SLC22A4: variants seen among roughly 807,000 people sequenced by gnomAD.
SLC22A4 encodes the protein ET transporter.
Under a neutral mutation model 56.6 loss-of-function variants are expected in SLC22A4, and 39 were observed. That is an observed-to-expected ratio of 0.69 (90% CI 0.53 to 0.90). SLC22A4 has a LOEUF of 0.90. Among genes scored for constraint, SLC22A4 ranks in the 40% least tolerant of loss-of-function variants. The probability of loss-of-function intolerance (pLI) is 0.00; values close to 1 mark genes in which losing one functional copy is unlikely to be tolerated. For missense variants in SLC22A4, 594 were observed against 696.5 expected, an observed-to-expected ratio of 0.85 and a Z score of 1.66; for synonymous variants, 241 against 281.4, an observed-to-expected ratio of 0.86 and a Z score of 1.44.
intron 3 of SLC22A4, among the ~76,000 whole-genome samples, chr5:132,314,606 T>C (rs1750281662): frequency 6.6e-6 from 1 of 152,192 alleles, no homozygotes; most frequent in Non-Finnish European, 1.5e-5. Context: ...TTTGTCCCTA[T>C]TGTCACAGTG....
intron 3 of SLC22A4, among the ~76,000 whole-genome samples, chr5:132,316,801 A>G (rs1361136628): frequency 6.6e-6 from 1 of 152,098 alleles, no homozygotes; most frequent in Non-Finnish European, 1.5e-5. Context: ...TACCAGCCAC[A>G]TATATATATA....
At chr5:132,303,295 T>TACACAC (rs57867025) in intron 1 of SLC22A4, among the ~76,000 whole-genome samples, 5 of 150,724 alleles carry the variant, frequency 3.3e-5, no homozygotes, top group African/African-American at 1.2e-4. Flanking sequence ...CTGGTGAAAA[T>TACACAC]ACACACACAC....
chr5:132,336,852 T>A (rs893117049), intron 8 of SLC22A4, among the ~76,000 whole-genome samples: 17 of 152,040 alleles, frequency 1.1e-4, no homozygotes, highest in African/African-American at 4.1e-4. Context: ...CACCAAACAG[T>A]TCATGTTGGT....
intron 4 of SLC22A4, among the ~76,000 whole-genome samples, chr5:132,322,911 A>G (rs1750585090): frequency 6.6e-6 from 1 of 152,222 alleles, no homozygotes; most frequent in African/African-American, 2.4e-5. Flanking sequence ...GTTTTAACAC[A>G]ACAGTTATAG....
intron 2 of SLC22A4, among the ~76,000 whole-genome samples, chr5:132,313,214 C>T (rs1288352089): frequency 3.3e-5 from 5 of 152,156 alleles, no homozygotes; most frequent in Admixed American, 2.0e-4. Context: ...GGTTAAAAAC[C>T]ACTTGCAGAG....
chr5:132,328,828 T>TACAC (rs1750760120), intron 5 of SLC22A4, among the ~76,000 whole-genome samples: 1 of 18,478 alleles, frequency 5.4e-5, no homozygotes, highest in Non-Finnish European at 1.4e-4. Flanking sequence ...TGCCTTTATA[T>TACAC]ATATATATAT....
At chr5:132,342,319 A>C (rs1751243925) in intron 9 of SLC22A4, among the ~76,000 whole-genome samples, 1 of 152,248 alleles carries the variant, frequency 6.6e-6, no homozygotes, top group African/African-American at 2.4e-5. Flanking sequence ...CAGACAGTTT[A>C]CAGAAGAAGT....
In SLC22A4 at chr5:132,335,798, A is replaced by T; in HGVS notation, c.1262-20A>T. On this transcript the variant is annotated intron_variant, in intron 7 of 9. Coordinates refer to ENST00000200652, the MANE Select transcript of SLC22A4 (RefSeq NM_003059.3). The stretch of plus-strand genomic sequence containing the variant: ...ATCACTTCTAAAAGCACCATTGTTT[A>T]TACCGGGTCTCTTTTCCAGATTATT... The T allele has an allele frequency of 6.2e-7, 1 of 1,604,036 alleles. No individual in the cohort carries two copies. Among genetic ancestry groups the T allele is most frequent in the Non-Finnish European group, 8.5e-7 (1 of 1,170,876 alleles).
intron 1 of SLC22A4, among the ~76,000 whole-genome samples, chr5:132,302,621 G>T (rs1055552520): frequency 1.3e-5 from 2 of 152,216 alleles, no homozygotes; most frequent in Non-Finnish European, 2.9e-5. Flanking sequence ...TGCAAGACTG[G>T]AGGGCAGGTT....
In SLC22A4 at chr5:132,295,125, G is replaced by T. The variant is rs1433892131; in HGVS notation, c.393+116G>T. The T allele has an allele frequency of 8.6e-6, 10 of 1,166,338 alleles. No individual in the cohort carries two copies. In the Admixed American group the frequency reaches 1.8e-4, roughly 21 times the overall value. 72.2% of individuals were successfully genotyped at this position (1,166,338 alleles called of 1,614,324 possible). On this transcript the variant is annotated intron_variant, in intron 1 of 9. Coordinates refer to ENST00000200652, the MANE Select transcript of SLC22A4 (RefSeq NM_003059.3). ...CAGCGCTCCCCTCCCCCTCAAACCT[G>T]CTGTTCATACTTCCAGCAGCGGGTG...
At chr5:132,314,404 T>A (rs775498739) in intron 3 of SLC22A4, among the ~76,000 whole-genome samples, 19 of 152,160 alleles carry the variant, frequency 1.2e-4, no homozygotes, top group Non-Finnish European at 2.4e-4. Flanking sequence ...CAGCTTTTCC[T>A]GGGAGGGAGT....
intron 8 of SLC22A4, among the ~76,000 whole-genome samples, chr5:132,338,224 G>C (rs189635159): frequency 2.6e-5 from 4 of 152,304 alleles, no homozygotes; most frequent in African/African-American, 9.6e-5. Context: ...CAGGTTCCAT[G>C]ATGCCCCCTG....
intron 4 of SLC22A4, among the ~76,000 whole-genome samples, chr5:132,323,430 C>T (rs1185922118): frequency 6.6e-6 from 1 of 152,212 alleles, no homozygotes; most frequent in Non-Finnish European, 1.5e-5. Context: ...TGGGCTCACT[C>T]TAAGCCCCTG....
intron 1 of SLC22A4, chr5:132,311,747 C>T (rs1472674293): frequency 1.1e-5 from 3 of 267,770 alleles, no homozygotes; most frequent in Non-Finnish European, 2.2e-5. Flanking sequence ...ATGCCCTCTG[C>T]CCTGCCCTTT....
chr5:132,326,100 C>T (rs1056831475), intron 4 of SLC22A4, among the ~76,000 whole-genome samples: 2 of 152,218 alleles, frequency 1.3e-5, no homozygotes, highest in Non-Finnish European at 2.9e-5. Flanking sequence ...GGAGCAGTCA[C>T]GGAGCTGTAA....
intron 3 of SLC22A4, 40 bp from the exon 4 acceptor site, chr5:132,322,144 G>A (rs1167443033): frequency 1.9e-6 from 3 of 1,564,178 alleles, no homozygotes; most frequent in Non-Finnish European, 2.6e-6. Flanking sequence ...AAATATTAAA[G>A]TGAGTTAATA....
chr5:132,333,497 T>A (rs1052371819), intron 6 of SLC22A4, among the ~76,000 whole-genome samples: 9 of 152,122 alleles, frequency 5.9e-5, no homozygotes, highest in Non-Finnish European at 2.9e-5. Context: ...AAACAGGTTG[T>A]ATAGGTGGCC....
At position 132,334,849 on chromosome 5, in the gene SLC22A4, G is replaced by A. The variant is rs772540855; in HGVS notation, c.1178G>A (p.Arg393Gln). ...PAYITAWLLL[R>Q]TLPRRYIIAA... ...TACATTACAGCCTGGCTGCTATTGC[G>A]AACCCTGCCCAGGCGTTATATCATA... is the stretch of plus-strand genomic sequence containing the variant. Residue 393 changes from arginine to glutamine, a missense_variant, in exon 7 of 10, where the codon CGA (arginine) becomes CAA (glutamine). Physicochemically the swap from Arg to Gln is conservative, Grantham distance 43 (BLOSUM62 1). Coordinates refer to ENST00000200652, the MANE Select transcript of SLC22A4 (RefSeq NM_003059.3). 2.1e-5 allele frequency: 34 copies of A among 1,613,666 alleles called. No individual in the cohort carries two copies. In the Middle Eastern group the frequency reaches 9.9e-4, roughly 47 times the overall value.
chr5:132,301,198 T>C (rs1291480619), intron 1 of SLC22A4, among the ~76,000 whole-genome samples: 2 of 152,224 alleles, frequency 1.3e-5, no homozygotes, highest in Non-Finnish European at 2.9e-5. Context: ...CATGTCCTCT[T>C]CTCCCATGGA....
Sources: gnomAD v4.1 joint callset for allele counts (sites outside exome capture counted in the v4.1 genomes callset) on GRCh38, gnomAD v4.1.1 for gene constraint, MANE v1.5 for transcripts, NCBI Gene and HGNC (gene_info 2026-07-23, HGNC 2026-07-21) for gene names.